The following SLAMF6 variants were observed in gnomAD, a reference collection of about 807,000 sequenced individuals.
SLAMF6 encodes SLAM family member 6.
In SLAMF6, 21 loss-of-function variants were observed where a neutral mutation model predicts 38.3. The ratio of observed to expected loss-of-function variants is 0.55; its 90% CI spans 0.39 to 0.79. The LOEUF is 0.79. Ranked by LOEUF, SLAMF6 falls within the 30% of genes least tolerant of loss-of-function variation. SLAMF6 has a pLI of 0.00. For missense variants in SLAMF6, 341 were observed against 385.3 expected, an observed-to-expected ratio of 0.89 and a Z score of 0.96; for synonymous variants, 152 against 146.3, an observed-to-expected ratio of 1.04 and a Z score of -0.28.
intron 1 of SLAMF6, among the ~76,000 whole-genome samples, chr1:160,497,940 T>C (rs1447070964): frequency 6.6e-6 from 1 of 152,190 alleles, no homozygotes; most frequent in Non-Finnish European, 1.5e-5. Flanking sequence ...AGTATGAACA[T>C]ACAAGTGCAT....
At chr1:160,521,229 A>T (rs1557952723) in intron 1 of SLAMF6, among the ~76,000 whole-genome samples, 1 of 151,980 alleles carries the variant, frequency 6.6e-6, no homozygotes, top group Non-Finnish European at 1.5e-5. Context: ...GTCTCAGAAC[A>T]CCTGCATCTG....
chr1:160,504,974 A>G (rs892875345), intron 1 of SLAMF6, among the ~76,000 whole-genome samples: 1 of 152,208 alleles, frequency 6.6e-6, no homozygotes, highest in Non-Finnish European at 1.5e-5. Flanking sequence ...TAGCCTGTCT[A>G]GGCATTAAAG....
At chr1:160,498,805 CTGA>C (rs1470654318) in intron 1 of SLAMF6, among the ~76,000 whole-genome samples, 2 of 152,108 alleles carry the variant, frequency 1.3e-5, no homozygotes, top group African/African-American at 4.8e-5. Context: ...TTGGATTTCT[CTGA>C]TGATTACTGA....
In SLAMF6 at chr1:160,491,357, G is replaced by C. The variant is rs202056796; in HGVS notation, c.414C>G (p.His138Gln). 2.2e-5 allele frequency: 35 copies of C among 1,613,756 alleles called. No individual in the cohort carries two copies. Among genetic ancestry groups the C allele is most frequent in the Non-Finnish European group, 2.5e-5 (30 of 1,179,938 alleles). Residue 138 changes from histidine to glutamine, a missense_variant, in exon 3 of 8, where the codon CAC becomes CAG. By Grantham distance (24) the His-to-Gln change is conservative. Coordinates refer to ENST00000368057, the MANE Select transcript of SLAMF6 (RefSeq NM_001184714.2). ...RQLRNIQVTN[H>Q]SQLFQNMTCE... ...AGGTCATATTCTGAAATAGCTGACT[G>C]TGATTGGTAACTTGTATGTTCCTCA...
At chr1:160,514,444 A>T (rs564517561) in intron 1 of SLAMF6, among the ~76,000 whole-genome samples, 1 of 152,354 alleles carries the variant, frequency 6.6e-6, no homozygotes, top group Non-Finnish European at 1.5e-5. Context: ...TAGGCAGATC[A>T]TTCAGACAGA....
intron 1 of SLAMF6, among the ~76,000 whole-genome samples, chr1:160,497,102 A>C (rs965203295): frequency 6.6e-5 from 10 of 152,146 alleles, no homozygotes; most frequent in Admixed American, 4.6e-4. Context: ...TGATACCAGA[A>C]GATTTTTTTT....
intron 6 of SLAMF6, among the ~76,000 whole-genome samples, chr1:160,487,614 T>C (rs1571277416): frequency 6.6e-6 from 1 of 152,336 alleles, no homozygotes; most frequent in African/African-American, 2.4e-5. Flanking sequence ...CTAACTGCCT[T>C]GTCATCATGT....
At position 160,496,074 on chromosome 1, in the gene SLAMF6, A is replaced by T. The variant is rs1653560155; in HGVS notation, c.369T>A (p.Thr123=). 6 of 1,612,522 alleles carry T rather than the reference A, an allele frequency of 3.7e-6. No homozygotes were observed. The highest frequency in any genetic ancestry group is 5.1e-6 in the Non-Finnish European group (6 of 1,178,998). ...ATTTTGACTTACTTAATATCCTCAG[A>T]GTGTAACTGGACAGCTTTGCAGAGG... ...TKTSAKLSSY[T]LRILRQLRNI... Residue 123 remains threonine, a synonymous_variant, in exon 2 of 8, where the codon ACT becomes ACA. Transcript: ENST00000368057.
intron 1 of SLAMF6, among the ~76,000 whole-genome samples, chr1:160,500,824 G>T (rs1311939067): frequency 6.6e-6 from 1 of 152,086 alleles, no homozygotes; most frequent in Non-Finnish European, 1.5e-5. Context: ...TTAAAGCTCA[G>T]TTCCTTTTGG....
chr1:160,510,271 A>G (rs890847919), intron 1 of SLAMF6, among the ~76,000 whole-genome samples: 1 of 152,136 alleles, frequency 6.6e-6, no homozygotes, highest in African/African-American at 2.4e-5. Flanking sequence ...CCTGATACCA[A>G]AGCCAAAAAT....
At chr1:160,497,060 C>G (rs1310386370) in intron 1 of SLAMF6, among the ~76,000 whole-genome samples, 1 of 152,096 alleles carries the variant, frequency 6.6e-6, no homozygotes, top group Non-Finnish European at 1.5e-5. Context: ...AAACCCAGGT[C>G]TTCTGACTCC....
At chr1:160,506,948 C>A (rs937323783) in intron 1 of SLAMF6, among the ~76,000 whole-genome samples, 1 of 151,924 alleles carries the variant, frequency 6.6e-6, no homozygotes, top group Non-Finnish European at 1.5e-5. Flanking sequence ...ATAAACTATA[C>A]ATGAAAGAAT....
intron 2 of SLAMF6, among the ~76,000 whole-genome samples, chr1:160,491,850 G>T (rs1653321665): frequency 6.6e-6 from 1 of 152,140 alleles, no homozygotes; most frequent in African/African-American, 2.4e-5. Context: ...TACCTAATTG[G>T]GGTGGAAGAT....
In SLAMF6 at chr1:160,497,120, C is replaced by T. The variant is rs1196510174; in HGVS notation, c.50-727G>A. Among the ~76,000 whole-genome samples, 3 of 151,830 alleles carry T rather than the reference C, an allele frequency of 2.0e-5. No homozygotes were observed. In the East Asian group the frequency reaches 5.8e-4, roughly 29 times the overall value. ...TACCAGAAGATTTTTTTTTAATTCT[C>T]TCAGAAAGATTATAGTTTAGTTATT... On this transcript the variant is annotated intron_variant, in intron 1 of 7. Transcript: ENST00000368057.
chr1:160,497,788 G>A (rs1054042850), intron 1 of SLAMF6, among the ~76,000 whole-genome samples: 4 of 152,126 alleles, frequency 2.6e-5, no homozygotes, highest in South Asian at 2.1e-4. Context: ...AGCTCCACCC[G>A]TGTTACTGCA....
At chr1:160,495,778 A>G (rs1653543879) in intron 2 of SLAMF6, among the ~76,000 whole-genome samples, 1 of 152,240 alleles carries the variant, frequency 6.6e-6, no homozygotes, top group Non-Finnish European at 1.5e-5. Flanking sequence ...ACAAGGCAAC[A>G]CTATCATAAA....
chr1:160,522,175 A>G (rs964484993), intron 1 of SLAMF6, among the ~76,000 whole-genome samples: 2 of 152,172 alleles, frequency 1.3e-5, no homozygotes, highest in African/African-American at 2.4e-5. Context: ...TCTCATAACT[A>G]TTACAAGAGC....
intron 1 of SLAMF6, among the ~76,000 whole-genome samples, chr1:160,497,422 A>G (rs1400962814): frequency 6.6e-6 from 1 of 152,200 alleles, no homozygotes; most frequent in Non-Finnish European, 1.5e-5. Context: ...GACACATAGT[A>G]GAGTCTGTGG....
intron 1 of SLAMF6, 21 bp from the exon 2 acceptor site, chr1:160,496,414 G>T: frequency 6.2e-7 from 1 of 1,605,530 alleles, no homozygotes; most frequent in Non-Finnish European, 8.5e-7. Flanking sequence ...AGAAGGAAAG[G>T]TTTTAAAAAT....
Sources: gnomAD v4.1 joint callset for allele counts (sites outside exome capture counted in the v4.1 genomes callset) on GRCh38, gnomAD v4.1.1 for gene constraint, MANE v1.5 for transcripts, NCBI Gene and HGNC (gene_info 2026-07-23, HGNC 2026-07-21) for gene names.